SMCO4: variants seen among roughly 807,000 people sequenced by gnomAD.
SMCO4 encodes the protein single-pass membrane protein with coiled-coil domains 4.
SMCO4 carries 4 observed loss-of-function variants against 3.6 expected under a neutral mutation model. The ratio of observed to expected loss-of-function variants is 1.11; its 90% CI spans 0.54 to 2.53. The LOEUF is 2.53. Among genes scored for constraint, SMCO4 ranks in the 30% most tolerant of loss-of-function variants. The pLI is 0.02. For synonymous variants in SMCO4, 36 were observed against 35.3 expected, an observed-to-expected ratio of 1.02 and a Z score of -0.07; for missense variants, 70 against 80.8, an observed-to-expected ratio of 0.87 and a Z score of 0.51.
intron 1 of SMCO4, among the ~76,000 whole-genome samples, chr11:93,532,284 A>T (rs1949170462): frequency 6.6e-6 from 1 of 152,260 alleles, no homozygotes; most frequent in Non-Finnish European, 1.5e-5. Flanking sequence ...CTGAACTAAA[A>T]GATATCCAGA....
chr11:93,533,352 C>T (rs1949180965), intron 1 of SMCO4, among the ~76,000 whole-genome samples: 1 of 152,184 alleles, frequency 6.6e-6, no homozygotes, highest in African/African-American at 2.4e-5. Flanking sequence ...TCACAAGAAC[C>T]TTGGGAGGAG....
Position 93,503,909 on chromosome 11 carries a change from C to T in SMCO4, c.-153-4561G>A, listed in dbSNP as rs866340810. On this transcript the variant is annotated intron_variant, in intron 1 of 2. Transcript: ENST00000298966. ...AGGAAACTAATACAAGTCCATGTTG[C>T]TCTCAACACAAGAAAAAGTATTCAT... 2.0e-5 allele frequency among the ~76,000 whole-genome samples: 3 copies of T among 152,118 alleles called. No homozygotes were observed. The East Asian group carries it at 5.8e-4, about 29-fold the overall frequency.
upstream of SMCO4, among the ~76,000 whole-genome samples, chr11:93,545,234 A>G (rs1949306187): frequency 6.6e-6 from 1 of 152,190 alleles, no homozygotes; most frequent in Admixed American, 6.5e-5. Flanking sequence ...TCAGTCCCTT[A>G]ATAAGGTGAC....
chr11:93,523,712 A>T (rs1949080998), intron 1 of SMCO4, among the ~76,000 whole-genome samples: 1 of 152,224 alleles, frequency 6.6e-6, no homozygotes, highest in Admixed American at 6.5e-5. Context: ...CAAGATAATT[A>T]TACAATCAGT....
chr11:93,502,673 A>G (rs1948853429), intron 1 of SMCO4, among the ~76,000 whole-genome samples: 1 of 152,220 alleles, frequency 6.6e-6, no homozygotes, highest in Non-Finnish European at 1.5e-5. Flanking sequence ...TGACTTTGTA[A>G]TTCCATTTCC....
chr11:93,478,532 C>G lies in SMCO4; in HGVS notation c.*478G>C, dbSNP rs1948546096. On this transcript the variant is annotated 3_prime_UTR_variant, in exon 3 of 3. Transcript: ENST00000298966. ...TATTTCACTTTGATTCAACATATTT[C>G]AAATCACATTAAGCACAGAGAAGAA... The G allele has an allele frequency of 1.3e-5, 2 of 153,050 alleles. No homozygotes were observed. The highest frequency in any genetic ancestry group is 4.8e-5 in the African/African-American group (2 of 41,474). The allele number at this position is 153,050 out of a possible 1,614,324, so 9.5% of individuals were successfully genotyped here. A position where few individuals can be genotyped will look rare whatever the true frequency, so the allele number is the denominator to read the frequency against.
intron 1 of SMCO4, among the ~76,000 whole-genome samples, chr11:93,531,750 G>A (rs1248031579): frequency 1.3e-5 from 2 of 152,262 alleles, no homozygotes; most frequent in East Asian, 1.9e-4. Context: ...AAATCTTGGG[G>A]CCCCCAAATC....
chr11:93,544,366 C>T (rs1311964626), upstream of SMCO4, among the ~76,000 whole-genome samples: 3 of 152,294 alleles, frequency 2.0e-5, no homozygotes, highest in South Asian at 6.2e-4. Flanking sequence ...GTCACCTGCT[C>T]AGCAAGGCCA....
At chr11:93,485,687 C>T (rs969399876) in intron 2 of SMCO4, among the ~76,000 whole-genome samples, 2 of 152,214 alleles carry the variant, frequency 1.3e-5, no homozygotes, top group African/African-American at 4.8e-5. Flanking sequence ...ATAACAGGTG[C>T]TCAACAAACA....
At chr11:93,509,793 A>C (rs950436367) in intron 1 of SMCO4, among the ~76,000 whole-genome samples, 1 of 152,174 alleles carries the variant, frequency 6.6e-6, no homozygotes, top group Non-Finnish European at 1.5e-5. Context: ...AGAATGATGC[A>C]TAAGAGTGGA....
chr11:93,539,247 A>T (rs1041342631), intron 1 of SMCO4, among the ~76,000 whole-genome samples: 2 of 151,268 alleles, frequency 1.3e-5, no homozygotes, highest in African/African-American at 4.9e-5. Flanking sequence ...TTCATAATCA[A>T]TGAGAATTGA....
At chr11:93,546,436 G>A (rs1411196654), upstream of SMCO4, among the ~76,000 whole-genome samples, 2 of 152,188 alleles carry the variant, frequency 1.3e-5, no homozygotes, top group African/African-American at 2.4e-5. Flanking sequence ...TAGAGGTTAG[G>A]TGTGTTTATC....
intron 1 of SMCO4, chr11:93,535,951 A>G (rs949900335): frequency 6.9e-7 from 1 of 1,457,020 alleles, no homozygotes; most frequent in African/African-American, 1.4e-5. Flanking sequence ...TTTGGAAAGA[A>G]TAGTTGCAGT....
chr11:93,546,610 T>C (rs773930192), upstream of SMCO4, among the ~76,000 whole-genome samples: 8 of 152,208 alleles, frequency 5.3e-5, no homozygotes, highest in East Asian at 1.5e-3. Flanking sequence ...GCCTTACAAA[T>C]ATCCAAGGTC....
intron 1 of SMCO4, among the ~76,000 whole-genome samples, chr11:93,522,824 A>G (rs1045640950): frequency 6.6e-6 from 1 of 152,174 alleles, no homozygotes; most frequent in Non-Finnish European, 1.5e-5. Flanking sequence ...TCTAATTTAT[A>G]ACACATAAAG....
At chr11:93,502,971 G>A (rs1306174486) in intron 1 of SMCO4, among the ~76,000 whole-genome samples, 1 of 152,154 alleles carries the variant, frequency 6.6e-6, no homozygotes, top group Non-Finnish European at 1.5e-5. Flanking sequence ...AACTCAAGGA[G>A]GTAGGTACTA....
intron 1 of SMCO4, among the ~76,000 whole-genome samples, chr11:93,520,101 C>A (rs1949044343): frequency 6.6e-6 from 1 of 152,154 alleles, no homozygotes; most frequent in South Asian, 2.1e-4. Context: ...ATCGCTCAGG[C>A]CTGATGAGAA....
chr11:93,479,244 A>G lies in SMCO4; in HGVS notation c.-55T>C. 1 of 1,579,778 alleles carries G rather than the reference A, an allele frequency of 6.3e-7. No homozygotes were observed. Among genetic ancestry groups the G allele is most frequent in the Non-Finnish European group, 8.6e-7 (1 of 1,160,608 alleles). On this transcript the variant is annotated 5_prime_UTR_variant, in exon 3 of 3. Transcript: ENST00000298966. ...CCAGAGGGATTCCAGGAAGGGCCAC[A>G]CTCCTCTTGCCAAGGCTGGAACCTC... is the stretch of plus-strand genomic sequence containing the variant.
intron 2 of SMCO4, among the ~76,000 whole-genome samples, chr11:93,490,095 T>TA (rs1948696622): frequency 6.6e-6 from 1 of 152,220 alleles, no homozygotes; most frequent in Non-Finnish European, 1.5e-5. Flanking sequence ...GGACAGGCCC[T>TA]AAGATTGCAC....
Sources: gnomAD v4.1 joint callset for allele counts (sites outside exome capture counted in the v4.1 genomes callset) on GRCh38, gnomAD v4.1.1 for gene constraint, MANE v1.5 for transcripts, NCBI Gene and HGNC (gene_info 2026-07-23, HGNC 2026-07-21) for gene names.